CARMIL2: variants seen among roughly 807,000 people sequenced by gnomAD.
CARMIL2 encodes capping protein regulator and myosin 1 linker 2, also known as capping protein, Arp2/3 and myosin-I linker protein 2.
In CARMIL2, 96 loss-of-function variants were observed where a neutral mutation model predicts 173.3. The observed-to-expected ratio is 0.55, with a 90% CI of 0.47 to 0.66. The LOEUF is 0.66. CARMIL2 is among the 30% of genes least tolerant of loss of function. CARMIL2 has a pLI of 0.00. For synonymous variants in CARMIL2, 830 were observed against 817.1 expected, an observed-to-expected ratio of 1.02 and a Z score of -0.27; for missense variants, 1,771 against 1,906.7, an observed-to-expected ratio of 0.93 and a Z score of 1.33.
rs756177349 is a variant in CARMIL2 at position 67,651,494 on chromosome 16, G to T, written c.2407G>T (p.Val803Phe). Residue 803 changes from valine (V) to phenylalanine (F), a missense_variant, in exon 24 of 38, where the codon GTC becomes TTC. Val to Phe is a conservative substitution (Grantham distance 50). This residue lies in a region of CARMIL2 where 817 missense variants were observed against 903.5 expected (regional missense o/e 0.90). Transcript: ENST00000334583. This position sits in a 1 kb window ranked among gnomAD's most constrained non-coding sequence, Gnocchi z 4.2. ...GGGCCTTCTGAGACAGGTGGGCGAG[G>T]TCTGCCGCCAGGACATCCAGGTGAG... ...LEGLLRQVGE[V>F]CRQDIQDFTQ... 3 of 1,593,998 alleles carry T rather than the reference G, an allele frequency of 1.9e-6. No homozygotes were observed. The highest frequency in any genetic ancestry group is 1.7e-6 in the Non-Finnish European group (2 of 1,169,678).
In CARMIL2 at chr16:67,649,453, C is replaced by T; in HGVS notation, c.1753C>T (p.Gln585Ter). The part of the protein sequence containing the change: ...QLMQDDDCPL[Q>*]SLSVAESRLK... ...GGCTTTCTCTTAACCCCAGCCTCTTCAGTCTCTGTCGGTGGCTGAGTCTCG... is the reference window on the plus strand; with the variant it reads ...GGCTTTCTCTTAACCCCAGCCTCTTTAGTCTCTGTCGGTGGCTGAGTCTCG... Residue 585 changes from glutamine to a stop codon, truncating the protein, a stop_gained, in exon 20 of 38, where the codon CAG (glutamine) becomes TAG (stop). Transcript: ENST00000334583. LOFTEE classifies it high-confidence loss of function. The surrounding 1 kb of genome is among the most constrained non-coding windows in gnomAD (Gnocchi z 6.7). The T allele has an allele frequency of 6.2e-7, 1 of 1,612,108 alleles. No individual in the cohort carries two copies. The highest frequency in any genetic ancestry group is 8.5e-7 in the Non-Finnish European group (1 of 1,179,894).
At position 67,653,159 on chromosome 16, in the gene CARMIL2, C is replaced by T. The variant is rs911658841; in HGVS notation, c.3025C>T (p.Leu1009=). The change falls in exon 29 of 38, where the codon CTG becomes TTG. Residue 1009 remains leucine (L), a synonymous_variant. Transcript: ENST00000334583. This position sits in a 1 kb window ranked among gnomAD's most constrained non-coding sequence, Gnocchi z 7.4. The stretch of plus-strand genomic sequence containing the variant: ...GGCCGGCCCGCTGCCCCGCATGGAC[C>T]TGCCACTGGCGGGGCAGCCCCTGCG... ...PPAGPLPRMD[L]PLAGQPLRHP... 7.4e-5 allele frequency: 82 copies of T among 1,108,178 alleles called. No individual in the cohort carries two copies. The highest frequency in any genetic ancestry group is 8.9e-5 in the Non-Finnish European group (81 of 908,702). The allele number at this position is 1,108,178 out of a possible 1,614,324, so 68.6% of individuals were successfully genotyped here. A position where few individuals can be genotyped will look rare whatever the true frequency, so the allele number is the denominator to read the frequency against.
At chr16:67,645,471 G>T in intron 1 of CARMIL2, 69 bp from the exon 2 acceptor site, 1 of 1,455,776 alleles carries the variant, frequency 6.9e-7, no homozygotes, top group Non-Finnish European at 9.4e-7. Context: ...CCCCAGCCTG[G>T]CACAGACTGT....
intron 12 of CARMIL2, 39 bp from the exon 13 acceptor site, chr16:67,647,807 G>A (rs1282449506): frequency 4.1e-5 from 45 of 1,092,296 alleles, no homozygotes; most frequent in Non-Finnish European, 5.5e-5. Flanking sequence ...GGGGGGTGGG[G>A]GTCTGTCCAA....
Position 67,651,732 on chromosome 16 carries a change from G to T in CARMIL2, c.2475G>T (p.Gln825His). 1 of 1,607,026 alleles carries T rather than the reference G, an allele frequency of 6.2e-7. No homozygotes were observed. Among genetic ancestry groups the T allele is most frequent in the Non-Finnish European group, 8.5e-7 (1 of 1,177,410 alleles). Residue 825 changes from glutamine (Q) to histidine (H), a missense_variant, in exon 25 of 38, where the codon CAG (glutamine) becomes CAT (histidine). This residue lies in a region of CARMIL2 where 817 missense variants were observed against 903.5 expected (regional missense o/e 0.90). Coordinates refer to ENST00000334583, the MANE Select transcript of CARMIL2 (RefSeq NM_001013838.3). The surrounding 1 kb of genome is among the most constrained non-coding windows in gnomAD (Gnocchi z 4.2). ...TLDTARSLCPQMLQGSSWREQ... is the reference protein window; with the variant it reads ...TLDTARSLCPHMLQGSSWREQ... ...ACACAGCAAGGAGCCTCTGCCCACA[G>T]ATGCTGCAGGGATCCAGCTGGAGGG...
At chr16:67,650,945 G>A (rs2052710823) in intron 22 of CARMIL2, 4 of 488,080 alleles carry the variant, frequency 8.2e-6, no homozygotes, top group Non-Finnish European at 1.5e-5. Context: ...CTAAAACACA[G>A]ACATGATTTA....
At position 67,649,272 on chromosome 16, in the gene CARMIL2, C is replaced by T; in HGVS notation, c.1707C>T (p.Val569=). The change falls in exon 19 of 38, where the codon GTC becomes GTT. Residue 569 remains valine (V), a synonymous_variant. Transcript: ENST00000334583. This position sits in a 1 kb window ranked among gnomAD's most constrained non-coding sequence, Gnocchi z 6.7. ...NVRCKETLDD[V]LHRIVQLMQD... ...CCCACAGGGAGACCCTGGACGACGT[C>T]CTGCACCGGATTGTCCAGCTCATGC... The T allele has an allele frequency of 6.2e-7, 1 of 1,613,326 alleles. No homozygotes were observed. Among genetic ancestry groups the T allele is most frequent in the Non-Finnish European group, 8.5e-7 (1 of 1,179,738 alleles).
chr16:67,654,578 C>T lies in CARMIL2; in HGVS notation c.3468C>T (p.Ser1156=). The change falls in exon 31 of 38, where the codon AGC becomes AGT. Residue 1156 remains serine (S), a synonymous_variant. Transcript: ENST00000334583. ...EELGGAEGDT[S]SPDPAGRSRP... is the part of the protein sequence containing the mutation. Reference sequence around the variant, plus strand: ...TTGGTGGGGCTGAGGGGGACACCAGCAGCCCTGACCCTGCCGGCAGGAGCC... The same window carrying T: ...TTGGTGGGGCTGAGGGGGACACCAGTAGCCCTGACCCTGCCGGCAGGAGCC... 6.2e-7 allele frequency: 1 copy of T among 1,608,990 alleles called. No homozygotes were observed.
chr16:67,649,077 C>G lies in CARMIL2; in HGVS notation c.1593C>G (p.Gly531=), dbSNP rs757141701. ...AVSSLDLADN[G]FGSDMVTLVL... Reference sequence around the variant, plus strand: ...GTGCGTGACCCGAGTCACCCCCAGGCTTCGGCTCAGACATGGTGACTCTGG... The same window carrying G: ...GTGCGTGACCCGAGTCACCCCCAGGGTTCGGCTCAGACATGGTGACTCTGG... The change falls in exon 18 of 38, where the codon GGC becomes GGG. Residue 531 remains glycine (G), a splice_region_variant and synonymous_variant. Coordinates refer to ENST00000334583, the MANE Select transcript of CARMIL2 (RefSeq NM_001013838.3). This position sits in a 1 kb window ranked among gnomAD's most constrained non-coding sequence, Gnocchi z 6.7. 6.2e-7 allele frequency: 1 copy of G among 1,612,216 alleles called. No homozygotes were observed. The highest frequency in any genetic ancestry group is 8.5e-7 in the Non-Finnish European group (1 of 1,179,282).
chr16:67,654,924 G>C, intron 32 of CARMIL2, 24 bp downstream of exon 32: 1 of 1,612,492 alleles, frequency 6.2e-7, no homozygotes, highest in Non-Finnish European at 8.5e-7. Context: ...ACCTGAGCAT[G>C]AAGTGAGAGG....
At position 67,651,621 on chromosome 16, in the gene CARMIL2, G is replaced by A; in HGVS notation, c.2428-64G>A. On this transcript the variant is annotated intron_variant, in intron 24 of 37. Transcript: ENST00000334583. This position sits in a 1 kb window ranked among gnomAD's most constrained non-coding sequence, Gnocchi z 4.2. ...GACTCAATATTCTGTTGGAGTTGGA[G>A]CCTCAAGCCAGCAGCCTGGTGTCTG... 6.3e-7 allele frequency: 1 copy of A among 1,578,270 alleles called. No homozygotes were observed. The highest frequency in any genetic ancestry group is 1.9e-5 in the Admixed American group (1 of 53,736).
At chr16:67,645,441 G>A in intron 1 of CARMIL2, 99 bp from the exon 2 acceptor site, 1 of 1,378,842 alleles carries the variant, frequency 7.3e-7, no homozygotes, top group Non-Finnish European at 1.0e-6. Flanking sequence ...TTCCTCGCTG[G>A]CCGCAGATAA....
At position 67,651,630 on chromosome 16, in the gene CARMIL2, C is replaced by T; in HGVS notation, c.2428-55C>T. ...TTCTGTTGGAGTTGGAGCCTCAAGC[C>T]AGCAGCCTGGTGTCTGGCCACATCC... On this transcript the variant is annotated intron_variant, in intron 24 of 37. Coordinates refer to ENST00000334583, the MANE Select transcript of CARMIL2 (RefSeq NM_001013838.3). The surrounding 1 kb of genome is among the most constrained non-coding windows in gnomAD (Gnocchi z 4.2). 1 of 1,584,764 alleles carries T rather than the reference C, an allele frequency of 6.3e-7. No individual in the cohort carries two copies. The highest frequency in any genetic ancestry group is 8.6e-7 in the Non-Finnish European group (1 of 1,166,072).
rs770766359 is a variant in CARMIL2, at chr16:67,651,523, G to T, written c.2427+9G>T. 1.9e-6 allele frequency: 3 copies of T among 1,578,012 alleles called. No homozygotes were observed. Among genetic ancestry groups the T allele is most frequent in the African/African-American group, 1.3e-5 (1 of 74,228 alleles). ...GCCGCCAGGACATCCAGGTGAGAGG[G>T]TACTCCTGCCCCAACCCCACCTCCG... On this transcript the variant is annotated intron_variant, in intron 24 of 37. Coordinates refer to ENST00000334583, the MANE Select transcript of CARMIL2 (RefSeq NM_001013838.3). This position sits in a 1 kb window ranked among gnomAD's most constrained non-coding sequence, Gnocchi z 4.2.
In CARMIL2 at chr16:67,651,550, T is replaced by G. The variant is rs769286691; in HGVS notation, c.2427+36T>G. 6.4e-7 allele frequency: 1 copy of G among 1,562,952 alleles called. No individual in the cohort carries two copies. Among genetic ancestry groups the G allele is most frequent in the Non-Finnish European group, 8.7e-7 (1 of 1,152,752 alleles). ...ACTCCTGCCCCAACCCCACCTCCGT[T>G]TGCAGGTTTGACTCCCATCCTTTAG... On this transcript the variant is annotated intron_variant, in intron 24 of 37. Transcript: ENST00000334583. This position sits in a 1 kb window ranked among gnomAD's most constrained non-coding sequence, Gnocchi z 4.2.
Position 67,649,655 on chromosome 16 carries a change from G to GGGGC in CARMIL2, c.1919+38_1919+41dup. ...TCAGAGGGGTGGGACCAGCGGGCAG[G>GGGGC]GGGCGCGGTGGAGAGGAGGGCACCG... is the stretch of plus-strand genomic sequence containing the variant. On this transcript the variant is annotated intron_variant, in intron 20 of 37. Transcript: ENST00000334583. This position sits in a 1 kb window ranked among gnomAD's most constrained non-coding sequence, Gnocchi z 6.7. 2 of 1,564,936 alleles carry GGGGC rather than the reference G, an allele frequency of 1.3e-6. No individual in the cohort carries two copies. The highest frequency in any genetic ancestry group is 1.7e-6 in the Non-Finnish European group (2 of 1,159,956).
rs777470570 is a variant in CARMIL2 at position 67,647,742 on chromosome 16, G to A, written c.934G>A (p.Ala312Thr). 8.3e-6 allele frequency: 11 copies of A among 1,329,746 alleles called. No homozygotes were observed. In the Admixed American group the frequency reaches 2.1e-4, roughly 26 times the overall value. 82.4% of individuals were successfully genotyped at this position (1,329,746 alleles called of 1,614,324 possible). Reference protein sequence around the residue: ...CPGALRRLSLAQTGLTPRGMR... With the variant: ...CPGALRRLSLTQTGLTPRGMR... ...AGGAGCCCTGAGGAGACTCAGCCTGGCCCAGACAGGGTTGACACCGCGAGG... is the reference window on the plus strand; with the variant it reads ...AGGAGCCCTGAGGAGACTCAGCCTGACCCAGACAGGGTTGACACCGCGAGG... Residue 312 changes from alanine to threonine, a missense_variant, in exon 12 of 38, where the codon GCC becomes ACC. By Grantham distance (58) the Ala-to-Thr change is moderately conservative (BLOSUM62 0). Transcript: ENST00000334583.
rs1461563322 is a variant in CARMIL2 at position 67,648,735 on chromosome 16, T to C, written c.1490T>C (p.Leu497Pro). ...ALNTHLRDLHLDLSACELRSA... is the reference protein window; with the variant it reads ...ALNTHLRDLHPDLSACELRSA... Reference sequence around the variant, plus strand: ...AACACGCACCTCCGCGACCTGCACCTGGACCTCAGCGCTTGCGAGGTGAGC... The same window carrying C: ...AACACGCACCTCCGCGACCTGCACCCGGACCTCAGCGCTTGCGAGGTGAGC... The change falls in exon 16 of 38, where the codon CTG becomes CCG. Residue 497 changes from leucine to proline, a missense_variant. Physicochemically the swap from Leu to Pro is moderately conservative, Grantham distance 98. Transcript: ENST00000334583. This position sits in a 1 kb window ranked among gnomAD's most constrained non-coding sequence, Gnocchi z 6.1. 1.2e-6 allele frequency: 2 copies of C among 1,607,204 alleles called. No individual in the cohort carries two copies. Among genetic ancestry groups the C allele is most frequent in the Non-Finnish European group, 1.7e-6 (2 of 1,177,182 alleles).
At position 67,649,179 on chromosome 16, in the gene CARMIL2, C is replaced by T. The variant is rs1431189892; in HGVS notation, c.1688+7C>T. On this transcript the variant is annotated splice_region_variant and intron_variant, in intron 18 of 37. Transcript: ENST00000334583. The surrounding 1 kb of genome is among the most constrained non-coding windows in gnomAD (Gnocchi z 6.7). The stretch of plus-strand genomic sequence containing the variant: ...ACTTCAACGTCCGGTGCAAGTGAGC[C>T]CCCACCCTACTCCTGGGCCTCCCAG... 6.2e-7 allele frequency: 1 copy of T among 1,613,062 alleles called. No homozygotes were observed. The highest frequency in any genetic ancestry group is 8.5e-7 in the Non-Finnish European group (1 of 1,179,602).
Sources: allele counts gnomAD v4.1 joint callset, GRCh38; gene constraint gnomAD v4.1.1; regional missense constraint gnomAD v4.1.1; non-coding constraint Gnocchi (gnomAD v3.1); transcripts MANE v1.5; gene names NCBI Gene and HGNC (gene_info 2026-07-23, HGNC 2026-07-21).